Variants in IPO11 observed in about 807,000 individuals in gnomAD.
IPO11 encodes the protein importin 11, also known as importin-11.
A neutral mutation model predicts 143.2 loss-of-function variants in IPO11; 66 were observed. The ratio of observed to expected loss-of-function variants is 0.46; its 90% CI spans 0.38 to 0.57. The LOEUF (loss-of-function observed/expected upper bound fraction) is 0.57, where lower values mean the gene tolerates loss of function less well. Among genes scored for constraint, IPO11 ranks in the 20% least tolerant of loss-of-function variants. The pLI is 0.00. For missense variants in IPO11, 1,026 were observed against 1,141.0 expected, an observed-to-expected ratio of 0.90 and a Z score of 1.45; for synonymous variants, 385 against 377.8, an observed-to-expected ratio of 1.02 and a Z score of -0.22.
At chr5:62,538,803 GA>G (rs1742826607) in intron 24 of IPO11, among the ~76,000 whole-genome samples, 1 of 152,174 alleles carries the variant, frequency 6.6e-6, no homozygotes, top group African/African-American at 2.4e-5. Flanking sequence ...ACATTTCCCA[GA>G]ACATATCCCT....
intron 9 of IPO11, among the ~76,000 whole-genome samples, chr5:62,479,004 G>A (rs551087842): frequency 6.6e-6 from 1 of 152,256 alleles, no homozygotes; most frequent in South Asian, 2.1e-4. Context: ...TGTTACATAT[G>A]TATAATTGTG....
chr5:62,435,080 ATG>A (rs1333222981), intron 1 of IPO11, among the ~76,000 whole-genome samples: 2,076 of 106,028 alleles, frequency 0.02, 111 homozygotes, highest in African/African-American at 0.036. Flanking sequence ...ATGTATATAT[ATG>A]TGTATATATG....
At chr5:62,465,171 T>G (rs1001160102) in intron 5 of IPO11, among the ~76,000 whole-genome samples, 1 of 152,224 alleles carries the variant, frequency 6.6e-6, no homozygotes, top group African/African-American at 2.4e-5. Flanking sequence ...AATTCTTACC[T>G]CTTCTGCGTC....
In IPO11 at chr5:62,451,170, G is replaced by A. The variant is rs1465672259; in HGVS notation, c.313-560G>A. Among the ~76,000 whole-genome samples, 4 of 152,136 alleles carry A rather than the reference G, an allele frequency of 2.6e-5. No individual in the cohort carries two copies. The South Asian group carries it at 6.2e-4, about 24-fold the overall frequency. ...ATTTGGCGTTTCTTTCTACTTTTAG[G>A]TCAGGATTCCTAAACTTTGTGGTCA... On this transcript the variant is annotated intron_variant, in intron 4 of 29. Coordinates refer to ENST00000325324, the MANE Select transcript of IPO11 (RefSeq NM_016338.5).
chr5:62,485,212 G>C (rs941632937), intron 11 of IPO11, among the ~76,000 whole-genome samples: 1 of 152,162 alleles, frequency 6.6e-6, no homozygotes, highest in African/African-American at 2.4e-5. Flanking sequence ...TATGGATATA[G>C]TAAGCACTTA....
intron 1 of IPO11, among the ~76,000 whole-genome samples, chr5:62,427,082 C>T (rs1253425901): frequency 4.0e-5 from 6 of 151,470 alleles, no homozygotes; most frequent in Non-Finnish European, 7.4e-5. Flanking sequence ...GGATTACAGG[C>T]GCCCGCCACC....
chr5:62,600,373 G>A (rs906760187), intron 28 of IPO11, among the ~76,000 whole-genome samples: 1 of 152,128 alleles, frequency 6.6e-6, no homozygotes, highest in Non-Finnish European at 1.5e-5. Flanking sequence ...TTAATTTAGG[G>A]AGGCAGAACA....
At chr5:62,567,579 T>G (rs1241768949) in intron 27 of IPO11, among the ~76,000 whole-genome samples, 1 of 147,124 alleles carries the variant, frequency 6.8e-6, no homozygotes, top group African/African-American at 2.5e-5. Context: ...TTTTTTTTTT[T>G]AAGATGGAGT....
chr5:62,585,229 C>T lies in IPO11; in HGVS notation c.2583-6348C>T, dbSNP rs190777592. Among the ~76,000 whole-genome samples, 54 of 152,190 alleles carry T rather than the reference C, an allele frequency of 3.5e-4. No individual in the cohort carries two copies. In the East Asian group the frequency reaches 8.1e-3, roughly 23 times the overall value. Reference sequence around the variant, plus strand: ...TTTGTCTGAGACTCTGAGGAGCAAACGTTTTTATGTTGTAGTGCAGTTTCC... The same window carrying T: ...TTTGTCTGAGACTCTGAGGAGCAAATGTTTTTATGTTGTAGTGCAGTTTCC... On this transcript the variant is annotated intron_variant, in intron 27 of 29. Coordinates refer to ENST00000325324, the MANE Select transcript of IPO11 (RefSeq NM_016338.5).
At chr5:62,594,744 T>C (rs1040418782) in intron 28 of IPO11, among the ~76,000 whole-genome samples, 1 of 152,134 alleles carries the variant, frequency 6.6e-6, no homozygotes, top group East Asian at 1.9e-4. Context: ...CACTGTGTAG[T>C]GTGAGGAAGC....
At chr5:62,427,218 ACGTGAGCCAC>A (rs1201886162) in intron 1 of IPO11, among the ~76,000 whole-genome samples, 3 of 151,616 alleles carry the variant, frequency 2.0e-5, no homozygotes, top group African/African-American at 7.3e-5. Flanking sequence ...GGGATTACAC[ACGTGAGCCAC>A]CGTGCCCTCC....
chr5:62,559,811 GAGGCTCAGGC>G (rs1159600794), intron 26 of IPO11, among the ~76,000 whole-genome samples: 1 of 150,742 alleles, frequency 6.6e-6, no homozygotes, highest in Non-Finnish European at 1.5e-5. Context: ...AGCTACTTGG[GAGGCTCAGGC>G]AGGAGAATTG....
At chr5:62,573,505 C>T (rs1209930155) in intron 27 of IPO11, among the ~76,000 whole-genome samples, 6 of 152,146 alleles carry the variant, frequency 3.9e-5, no homozygotes, top group African/African-American at 1.4e-4. Context: ...CTATATTATA[C>T]TACATAGTAG....
At chr5:62,482,383 T>A (rs1746245584) in intron 9 of IPO11, among the ~76,000 whole-genome samples, 1 of 152,202 alleles carries the variant, frequency 6.6e-6, no homozygotes, top group Admixed American at 6.5e-5. Context: ...AATGTAAGGG[T>A]GTTGATTTTA....
intron 27 of IPO11, chr5:62,580,947 G>T (rs190616274): frequency 3.2e-6 from 5 of 1,551,180 alleles, no homozygotes; most frequent in Middle Eastern, 3.3e-4. Context: ...GTGCTCTACC[G>T]AATGATGCTG....
chr5:62,542,378 A>G (rs942764876), intron 24 of IPO11, among the ~76,000 whole-genome samples: 4 of 152,224 alleles, frequency 2.6e-5, no homozygotes, highest in Non-Finnish European at 4.4e-5. Context: ...TAGTGCTTTC[A>G]TTTTACTGCT....
Position 62,559,930 on chromosome 5 carries a change from AAAAAAAAAAAAAG to A in IPO11, c.2461-1204_2461-1192del, listed in dbSNP as rs1462769434. ...AAACTCTGTCTCAAAAAAAAAAAAA[AAAAAAAAAAAAAG>A]AGAGAGAAAAACAACTCTTAATTTG... On this transcript the variant is annotated intron_variant, in intron 26 of 29. Transcript: ENST00000325324. 4.0e-4 allele frequency among the ~76,000 whole-genome samples: 59 copies of A among 147,254 alleles called. 1 individual carries two copies. The highest frequency in any genetic ancestry group is 1.1e-3 in the African/African-American group (45 of 39,656).
At chr5:62,442,957 T>C (rs772612969) in intron 2 of IPO11, 26 bp from the exon 3 acceptor site, 1 of 1,295,650 alleles carries the variant, frequency 7.7e-7, no homozygotes, top group East Asian at 2.5e-5. Flanking sequence ...CCATGCTAAT[T>C]CTAATATTAT....
intron 5 of IPO11, among the ~76,000 whole-genome samples, chr5:62,464,143 G>GTTTTTTTTTT (rs34056674): frequency 7.6e-5 from 6 of 78,680 alleles, no homozygotes; most frequent in African/African-American, 2.1e-4. Flanking sequence ...GTTTTTGGTG[G>GTTTTTTTTTT]TTTTTTTTTT....
Sources: gnomAD v4.1 joint callset for allele counts (sites outside exome capture counted in the v4.1 genomes callset) on GRCh38, gnomAD v4.1.1 for gene constraint, MANE v1.5 for transcripts, NCBI Gene and HGNC (gene_info 2026-07-23, HGNC 2026-07-21) for gene names.